The following PDK2 variants were observed in gnomAD, a reference collection of about 807,000 sequenced individuals.
PDK2 encodes the protein pyruvate dehydrogenase kinase 2.
Under a neutral mutation model 50.4 loss-of-function variants are expected in PDK2, and 34 were observed. The ratio of observed to expected loss-of-function variants is 0.68; its 90% CI spans 0.51 to 0.90. PDK2 has a LOEUF of 0.90. Ranked by LOEUF, PDK2 falls within the 40% of genes least tolerant of loss-of-function variation. PDK2 has a pLI of 0.00. For synonymous variants in PDK2, 232 were observed against 216.0 expected, an observed-to-expected ratio of 1.07 and a Z score of -0.65; for missense variants, 377 against 544.5, an observed-to-expected ratio of 0.69 and a Z score of 3.06.
At chr17:50,106,371 A>G in intron 4 of PDK2, 1 of 629,978 alleles carries the variant, frequency 1.6e-6, no homozygotes, top group East Asian at 3.5e-5. Flanking sequence ...TTCAAAAACA[A>G]TTTGTTGTTT....
At chr17:50,107,281 T>C (rs1910567533) in intron 6 of PDK2, 128 bp downstream of exon 6, 1 of 703,378 alleles carries the variant, frequency 1.4e-6, no homozygotes, top group South Asian at 1.7e-5. Flanking sequence ...TATTATTAAT[T>C]CATTTGATAA....
rs1359657400 is a variant in PDK2 at position 50,110,407 on chromosome 17, C to T, written c.*310C>T. 4.3e-6 allele frequency: 1 copy of T among 233,890 alleles called. No homozygotes were observed. Among genetic ancestry groups the T allele is most frequent in the Non-Finnish European group, 8.3e-6 (1 of 120,054 alleles). The allele number at this position is 233,890 out of a possible 1,614,324, so 14.5% of individuals were successfully genotyped here. A position where few individuals can be genotyped will look rare whatever the true frequency, so the allele number is the denominator to read the frequency against. On this transcript the variant is annotated 3_prime_UTR_variant, in exon 11 of 11. Coordinates refer to ENST00000503176, the MANE Select transcript of PDK2 (RefSeq NM_002611.5). ...TCCTCCTCTCTGAGACCAGGGCTGT[C>T]ACTTTTCTGCCAGGGGTACTGGGTC...
Position 50,107,113 on chromosome 17 carries a change from T to C in PDK2, c.645T>C (p.Tyr215=). The C allele has an allele frequency of 6.2e-7, 1 of 1,614,128 alleles. No individual in the cohort carries two copies. The highest frequency in any genetic ancestry group is 8.5e-7 in the Non-Finnish European group (1 of 1,180,004). The stretch of plus-strand genomic sequence containing the variant: ...TGGCTAAGCTCCTGTGTGACAAGTA[T>C]TACATGGCCTCACCTGACCTGGAGA... ...YDMAKLLCDK[Y]YMASPDLEIQ... is the part of the protein sequence containing the mutation. Residue 215 remains tyrosine (Y), a synonymous_variant, in exon 6 of 11, where the codon TAT becomes TAC. Coordinates refer to ENST00000503176, the MANE Select transcript of PDK2 (RefSeq NM_002611.5).
At chr17:50,096,150 T>G in intron 1 of PDK2, 1 of 985,626 alleles carries the variant, frequency 1.0e-6, no homozygotes, top group Non-Finnish European at 1.2e-6. Flanking sequence ...GGACCCTAGC[T>G]GCCCCAGTGG....
chr17:50,106,401 G>C, intron 4 of PDK2: 1 of 431,170 alleles, frequency 2.3e-6, no homozygotes, highest in Non-Finnish European at 3.8e-6. Flanking sequence ...TATTCCAGGA[G>C]GATTCACTAT....
At chr17:50,107,048 T>A (rs1910554905) in intron 5 of PDK2, 28 bp from the exon 6 acceptor site, 1 of 1,602,340 alleles carries the variant, frequency 6.2e-7, no homozygotes, top group South Asian at 1.1e-5. Context: ...GGGCCACCCA[T>A]GCCCTGAATG....
In PDK2 at chr17:50,109,400, G is replaced by A. The variant is rs1349292864; in HGVS notation, c.1083G>A (p.Lys361=). ...GGACCGATGCTGTCATCTATCTCAA[G>A]GTGAGGGCCCTTCCCGCAGAGCCCA... The part of the protein sequence containing the change: ...GFGTDAVIYL[K]ALSTDSVERL... Residue 361 remains lysine (K), a splice_region_variant and synonymous_variant, in exon 10 of 11, where the codon AAG becomes AAA. Transcript: ENST00000503176. This position sits in a 1 kb window ranked among gnomAD's most constrained non-coding sequence, Gnocchi z 5.0. The A allele has an allele frequency of 6.3e-7, 1 of 1,595,568 alleles. No homozygotes were observed. Among genetic ancestry groups the A allele is most frequent in the Admixed American group, 1.7e-5 (1 of 59,646 alleles).
At chr17:50,103,248 G>C (rs1394880873) in intron 2 of PDK2, among the ~76,000 whole-genome samples, 1 of 152,130 alleles carries the variant, frequency 6.6e-6, no homozygotes, top group African/African-American at 2.4e-5. Context: ...TCCTCCTATC[G>C]GGCTCTGTGC....
Position 50,101,392 on chromosome 17 carries a change from C to T in PDK2, c.260+3828C>T, listed in dbSNP as rs138505573. On this transcript the variant is annotated intron_variant, in intron 2 of 10. Transcript: ENST00000503176. The surrounding 1 kb of genome is among the most constrained non-coding windows in gnomAD (Gnocchi z 4.2). ...GAACCCCATTTTGCAAATGGGGACC[C>T]GAGGGACTCGGTGGCCTCTTTAGGG... Among the ~76,000 whole-genome samples, 1 of 152,262 alleles carries T rather than the reference C, an allele frequency of 6.6e-6. No individual in the cohort carries two copies. The highest frequency in any genetic ancestry group is 2.4e-5 in the African/African-American group (1 of 41,542).
intron 8 of PDK2, 56 bp downstream of exon 8, chr17:50,108,473 G>C: frequency 3.4e-6 from 5 of 1,467,094 alleles, no homozygotes; most frequent in Non-Finnish European, 4.8e-6. Context: ...CTTCCCTCCT[G>C]CCAGGAGACG....
chr17:50,106,412 G>GC, intron 4 of PDK2: 1 of 412,502 alleles, frequency 2.4e-6, no homozygotes, highest in Admixed American at 6.2e-5. Context: ...GATTCACTAT[G>GC]ATTTTTGAGA....
chr17:50,099,609 C>T (rs944946731), intron 2 of PDK2, among the ~76,000 whole-genome samples: 3 of 152,076 alleles, frequency 2.0e-5, no homozygotes, highest in Non-Finnish European at 2.9e-5. Context: ...CTGGCTAACA[C>T]GGTGAAACTC....
Position 50,097,534 on chromosome 17 carries a change from G to A in PDK2, c.230G>A (p.Ser77Asn). Residue 77 changes from serine to asparagine, a missense_variant, in exon 2 of 11, where the codon AGC becomes AAC. This residue lies in a region of PDK2 where 100 missense variants were observed against 115.5 expected (regional missense o/e 0.87). Coordinates refer to ENST00000503176, the MANE Select transcript of PDK2 (RefSeq NM_002611.5). ...AACCTGCTTCCCGACCGAGTGCTGAGCACACCCTCCGTGCAGCTGGTGCAG... is the reference window on the plus strand; with the variant it reads ...AACCTGCTTCCCGACCGAGTGCTGAACACACCCTCCGTGCAGCTGGTGCAG... The part of the protein sequence containing the change: ...EINLLPDRVL[S>N]TPSVQLVQSW... 1 of 1,613,702 alleles carries A rather than the reference G, an allele frequency of 6.2e-7. No homozygotes were observed. The highest frequency in any genetic ancestry group is 8.5e-7 in the Non-Finnish European group (1 of 1,180,026).
At position 50,095,404 on chromosome 17, in the gene PDK2, G is replaced by C; in HGVS notation, c.-32G>C. On this transcript the variant is annotated 5_prime_UTR_variant, in exon 1 of 11. Transcript: ENST00000503176. ...AGGTGCGCGAGCGCTGCCCGCGCGG[G>C]GACCACAACCAAAGTCGCGGCCGCC... 2 of 1,505,232 alleles carry C rather than the reference G, an allele frequency of 1.3e-6. No individual in the cohort carries two copies. The highest frequency in any genetic ancestry group is 1.8e-6 in the Non-Finnish European group (2 of 1,092,954). The allele number at this position is 1,505,232 out of a possible 1,614,324, so 93.2% of individuals were successfully genotyped here. A position where few individuals can be genotyped will look rare whatever the true frequency, so the allele number is the denominator to read the frequency against.
intron 2 of PDK2, chr17:50,105,148 G>C (rs567722268): frequency 4.3e-6 from 2 of 469,394 alleles, no homozygotes; most frequent in African/African-American, 4.0e-5. Flanking sequence ...GGTGCTAAAC[G>C]GGGGACCAGC....
chr17:50,097,691 C>T, intron 2 of PDK2, 127 bp downstream of exon 2: 1 of 1,155,054 alleles, frequency 8.7e-7, no homozygotes. Context: ...ACACCAAAGC[C>T]CCAAGCGCTT....
Position 50,108,366 on chromosome 17 carries a change from C to G in PDK2, c.810C>G (p.Leu270=). 6.2e-7 allele frequency: 1 copy of G among 1,614,134 alleles called. No individual in the cohort carries two copies. Among genetic ancestry groups the G allele is most frequent in the Non-Finnish European group, 8.5e-7 (1 of 1,179,982 alleles). Residue 270 remains leucine (L), a synonymous_variant, in exon 8 of 11, where the codon CTC becomes CTG. Coordinates refer to ENST00000503176, the MANE Select transcript of PDK2 (RefSeq NM_002611.5). ...AAAGCCATGAGTCCAGCCTCATTCT[C>G]CCACCCATCAAGGTCATGGTGGCCT... ...TVESHESSLI[L]PPIKVMVALG...
chr17:50,102,901 T>G (rs1307759120), intron 2 of PDK2, among the ~76,000 whole-genome samples: 1 of 152,070 alleles, frequency 6.6e-6, no homozygotes, highest in Non-Finnish European at 1.5e-5. Context: ...GGCCACGTGG[T>G]GTAGACTTGG....
rs1189063252 is a variant in PDK2 at position 50,101,474 on chromosome 17, C to T, written c.261-3897C>T. On this transcript the variant is annotated intron_variant, in intron 2 of 10. Coordinates refer to ENST00000503176, the MANE Select transcript of PDK2 (RefSeq NM_002611.5). The surrounding 1 kb of genome is among the most constrained non-coding windows in gnomAD (Gnocchi z 4.2). Reference sequence around the variant, plus strand: ...GCTCAGAGGCTCCGGAGGCGGGACACCGCCACCTCTCCCCCAAGTGCAGCG... The same window carrying T: ...GCTCAGAGGCTCCGGAGGCGGGACATCGCCACCTCTCCCCCAAGTGCAGCG... Among the ~76,000 whole-genome samples the T allele has an allele frequency of 6.6e-6, 1 of 152,132 alleles. No individual in the cohort carries two copies. Among genetic ancestry groups the T allele is most frequent in the Non-Finnish European group, 1.5e-5 (1 of 68,000 alleles).
Sources: allele counts gnomAD v4.1 joint callset (sites outside exome capture counted in the v4.1 genomes callset), GRCh38; gene constraint gnomAD v4.1.1; regional missense constraint gnomAD v4.1.1; non-coding constraint Gnocchi (gnomAD v3.1); transcripts MANE v1.5; gene names NCBI Gene and HGNC (gene_info 2026-07-23, HGNC 2026-07-21).